KCNJ15: variants seen among roughly 807,000 people sequenced by gnomAD.
KCNJ15 encodes the protein potassium inwardly rectifying channel subfamily J member 15.
Under a neutral mutation model 23.0 loss-of-function variants are expected in KCNJ15, and 14 were observed. The observed-to-expected ratio is 0.61, with a 90% CI of 0.40 to 0.95. KCNJ15 has a LOEUF of 0.95. KCNJ15 is among the 40% of genes least tolerant of loss of function. The probability of loss-of-function intolerance (pLI) is 0.00; values close to 1 mark genes in which losing one functional copy is unlikely to be tolerated. For synonymous variants in KCNJ15, 185 were observed against 183.2 expected (o/e 1.01, Z -0.08); for missense variants, 388 against 461.8 (o/e 0.84, Z 1.46).
chr21:38,270,051 C>G (rs1349440442), intron 1 of KCNJ15, among the ~76,000 whole-genome samples: 2 of 152,206 alleles, frequency 1.3e-5, no homozygotes, highest in African/African-American at 4.8e-5. Context: ...GCTCCAATTC[C>G]TGGAAAGCAT....
At chr21:38,232,945 T>C (rs1022542994) in intron 1 of KCNJ15, among the ~76,000 whole-genome samples, 1 of 152,002 alleles carries the variant, frequency 6.6e-6, no homozygotes, top group African/African-American at 2.4e-5. Flanking sequence ...GCGGATGGTC[T>C]ATAGATGTTT....
At chr21:38,256,360 T>TATATATATATA (rs1384891155), upstream of KCNJ15, among the ~76,000 whole-genome samples, 1 of 106,236 alleles carries the variant, frequency 9.4e-6, no homozygotes, top group Non-Finnish European at 1.8e-5. Context: ...TCTATTCAGC[T>TATATATATATA]TATATATATA....
intron 1 of KCNJ15, among the ~76,000 whole-genome samples, chr21:38,283,733 A>C (rs1315130989): frequency 6.6e-6 from 1 of 151,978 alleles, no homozygotes; most frequent in Non-Finnish European, 1.5e-5. Context: ...CCCTCAAAAA[A>C]GTTATGCTAG....
At chr21:38,249,625 G>T (rs1012309466) in intron 1 of KCNJ15, among the ~76,000 whole-genome samples, 1 of 152,204 alleles carries the variant, frequency 6.6e-6, no homozygotes, top group Non-Finnish European at 1.5e-5. Context: ...TATAGGTGTG[G>T]TCAAACACCA....
chr21:38,267,601 G>T (rs757692152), intron 1 of KCNJ15, among the ~76,000 whole-genome samples: 20 of 152,096 alleles, frequency 1.3e-4, no homozygotes, highest in Admixed American at 1.0e-3. Context: ...AGTTAATGGC[G>T]CCACCCTTGA....
intron 1 of KCNJ15, among the ~76,000 whole-genome samples, chr21:38,292,494 A>G (rs1011245806): frequency 2.0e-5 from 3 of 152,228 alleles, no homozygotes; most frequent in Admixed American, 2.0e-4. Flanking sequence ...CTAAAAAGCT[A>G]TCTTGTCATG....
intron 1 of KCNJ15, among the ~76,000 whole-genome samples, chr21:38,248,317 G>C (rs1347257085): frequency 6.6e-6 from 1 of 152,120 alleles, no homozygotes; most frequent in African/African-American, 2.4e-5. Flanking sequence ...TCCTATAAAA[G>C]CCAAGAAAGT....
At chr21:38,234,961 T>TG (rs2123539784) in intron 1 of KCNJ15, among the ~76,000 whole-genome samples, 1 of 152,338 alleles carries the variant, frequency 6.6e-6, no homozygotes, top group Non-Finnish European at 1.5e-5. Context: ...TTGGGTGTGT[T>TG]GCTAGATCAC....
rs1985986984 is a variant in KCNJ15 at position 38,304,693 on chromosome 21, T to TTTTG, written c.*4304_*4305insTTTG. On this transcript the variant is annotated 3_prime_UTR_variant, in exon 3 of 3. Coordinates refer to ENST00000398938, the MANE Select transcript of KCNJ15 (RefSeq NM_170736.3). ...TTTTTTTTTTTTTTTTTTTTTTTTT[T>TTTTG]GATACTGGGTCTCGCTCTGTCGCCC... is the stretch of plus-strand genomic sequence containing the variant. The TTTTG allele has an allele frequency of 9.6e-6, 1 of 103,902 alleles. No homozygotes were observed. Among genetic ancestry groups the TTTTG allele is most frequent in the African/African-American group, 4.6e-5 (1 of 21,712 alleles). The allele number at this position is 103,902 out of a possible 1,614,324, so 6.4% of individuals were successfully genotyped here. A position where few individuals can be genotyped will look rare whatever the true frequency, so the allele number is the denominator to read the frequency against.
At chr21:38,294,599 T>C (rs1270691210) in intron 1 of KCNJ15, among the ~76,000 whole-genome samples, 4 of 152,224 alleles carry the variant, frequency 2.6e-5, no homozygotes, top group African/African-American at 9.6e-5. Flanking sequence ...AACAGAGCTC[T>C]AAGTTTTAAA....
intron 1 of KCNJ15, among the ~76,000 whole-genome samples, chr21:38,288,964 C>T (rs1475230273): frequency 2.0e-5 from 3 of 152,060 alleles, no homozygotes; most frequent in Admixed American, 1.3e-4. Flanking sequence ...CTTTGGGAGG[C>T]GGAGGCAGGC....
intron 1 of KCNJ15, among the ~76,000 whole-genome samples, chr21:38,284,611 T>G (rs1983692967): frequency 6.6e-6 from 1 of 152,230 alleles, no homozygotes; most frequent in Non-Finnish European, 1.5e-5. Context: ...ACATGATCAC[T>G]TTCAAAAGCA....
chr21:38,292,964 G>A (rs1984771340), intron 1 of KCNJ15, among the ~76,000 whole-genome samples: 1 of 127,292 alleles, frequency 7.9e-6, no homozygotes, highest in Non-Finnish European at 1.5e-5. Context: ...GTGAGATGCT[G>A]TCTCAAAAAA....
Position 38,274,891 on chromosome 21 carries a change from C to CT in KCNJ15, c.-117+17714dup, listed in dbSNP as rs201394282. Among the ~76,000 whole-genome samples the CT allele has an allele frequency of 6.0e-4, 91 of 151,918 alleles. No homozygotes were observed. In the East Asian group the frequency reaches 6.8e-3, roughly 11 times the overall value. The stretch of plus-strand genomic sequence containing the variant: ...GTTGCTTTCTTCCCTTGGTATTTTT[C>CT]TTTTTTTTGCAGTTCTCATTGACTC... On this transcript the variant is annotated intron_variant, in intron 1 of 2. Transcript: ENST00000398938.
intron 1 of KCNJ15, chr21:38,291,711 G>C (rs989950261): frequency 2.6e-5 from 4 of 152,200 alleles, no homozygotes; most frequent in African/African-American, 9.6e-5. Context: ...CAGACCCTCT[G>C]GCTGCACCCC....
At chr21:38,295,650 T>C (rs2146346303) in intron 1 of KCNJ15, among the ~76,000 whole-genome samples, 1 of 152,312 alleles carries the variant, frequency 6.6e-6, no homozygotes, top group South Asian at 2.1e-4. Context: ...TTATTGTTGC[T>C]TACCATGTTA....
In KCNJ15 at chr21:38,299,927, C is replaced by A; in HGVS notation, c.666C>A (p.Thr222=). The change falls in exon 3 of 3, where the codon ACC becomes ACA. Residue 222 remains threonine, a synonymous_variant. Coordinates refer to ENST00000398938, the MANE Select transcript of KCNJ15 (RefSeq NM_170736.3). This position sits in a 1 kb window ranked among gnomAD's most constrained non-coding sequence, Gnocchi z 4.5. ...GCAAGCTCCTGCAGACCCACGTCAC[C>A]AAGGAGGGGGAGCGGATTCTCCTCA... The part of the protein sequence containing the change: ...LSGKLLQTHV[T]KEGERILLNQ... 6.8e-6 allele frequency: 11 copies of A among 1,614,026 alleles called. No individual in the cohort carries two copies. Among genetic ancestry groups the A allele is most frequent in the Non-Finnish European group, 9.3e-6 (11 of 1,180,012 alleles).
At chr21:38,279,174 C>T (rs1892685) in intron 1 of KCNJ15, among the ~76,000 whole-genome samples, 102,501 of 151,730 alleles carry the variant, frequency 0.68, 35,043 homozygotes, top group Non-Finnish European at 0.73. Context: ...TGAGGGTCTA[C>T]GGGAGGAAGG....
intron 1 of KCNJ15, among the ~76,000 whole-genome samples, chr21:38,288,159 G>C (rs1984179574): frequency 6.9e-6 from 1 of 145,896 alleles, no homozygotes; most frequent in African/African-American, 2.5e-5. Flanking sequence ...TCCTGCCTCA[G>C]CCTCCCGAGC....
Sources: allele counts gnomAD v4.1 joint callset (sites outside exome capture counted in the v4.1 genomes callset), GRCh38; gene constraint gnomAD v4.1.1; non-coding constraint Gnocchi (gnomAD v3.1); transcripts MANE v1.5; gene names NCBI Gene and HGNC (gene_info 2026-07-23, HGNC 2026-07-21).